ATP11C: variants seen among roughly 807,000 people sequenced by gnomAD.
ATP11C encodes the protein phospholipid-transporting ATPase IG.
In ATP11C, 36 loss-of-function variants were observed where a neutral mutation model predicts 97.4. The ratio of observed to expected loss-of-function variants is 0.37; its 90% CI spans 0.28 to 0.49. ATP11C has a LOEUF of 0.49. Ranked by LOEUF, ATP11C falls within the 20% of genes least tolerant of loss-of-function variation. ATP11C has a pLI of 0.98. For synonymous variants in ATP11C, 275 were observed against 290.9 expected (o/e 0.95, Z 0.56); for missense variants, 730 against 824.6 (o/e 0.89, Z 1.40).
At chrX:139,747,612 T>C (rs980801111) in intron 24 of ATP11C, among the ~76,000 whole-genome samples, 1 of 112,067 alleles carries the variant, frequency 8.9e-6, no homozygotes, top group Non-Finnish European at 1.9e-5. Flanking sequence ...TTTCTTACAT[T>C]TCTCTTAAAA....
chrX:139,907,713 A>G (rs185115906), intron 1 of ATP11C, among the ~76,000 whole-genome samples: 1 of 108,727 alleles, frequency 9.2e-6, no homozygotes, highest in East Asian at 2.9e-4. Context: ...GCGCCACTGC[A>G]CTCCGGCCTG....
chrX:139,907,519 G>C (rs765024226), intron 1 of ATP11C, among the ~76,000 whole-genome samples: 1 of 110,784 alleles, frequency 9.0e-6, no homozygotes, highest in Non-Finnish European at 1.9e-5. Flanking sequence ...GAGGCTGAGC[G>C]GGGCACATCA....
At chrX:139,735,040 C>A (rs1169081985) in intron 28 of ATP11C, among the ~76,000 whole-genome samples, 1 of 111,206 alleles carries the variant, frequency 9.0e-6, no homozygotes, top group Non-Finnish European at 1.9e-5. Context: ...CTGTTTAATA[C>A]CTGCTTACAG....
At chrX:139,744,109 G>A (rs2081628613) in intron 25 of ATP11C, among the ~76,000 whole-genome samples, 1 of 109,965 alleles carries the variant, frequency 9.1e-6, no homozygotes, top group African/African-American at 3.3e-5. Flanking sequence ...ATCAGCATGT[G>A]CACATCAAAA....
In ATP11C at chrX:139,774,629, T is replaced by A. The variant is rs2082314819; in HGVS notation, c.2216+61A>T. On this transcript the variant is annotated intron_variant, in intron 19 of 29. Transcript: ENST00000682941. Reference sequence around the variant, plus strand: ...TACAGAAAATGAAGCCTTTTGTATATGCAGCTGTGATTTACATCTACACCA... The same window carrying A: ...TACAGAAAATGAAGCCTTTTGTATAAGCAGCTGTGATTTACATCTACACCA... 8.8e-6 allele frequency: 9 copies of A among 1,020,076 alleles called. No individual in the cohort carries two copies. The East Asian group carries it at 2.4e-4, about 28-fold the overall frequency. 84.1% of individuals were successfully genotyped at this position (1,020,076 alleles called of 1,213,427 possible).
chrX:139,751,121 G>C (rs2081805597), intron 23 of ATP11C, among the ~76,000 whole-genome samples: 1 of 112,193 alleles, frequency 8.9e-6, no homozygotes, highest in Non-Finnish European at 1.9e-5. Flanking sequence ...AATTACAAAA[G>C]GCTGGGAATT....
intron 5 of ATP11C, among the ~76,000 whole-genome samples, chrX:139,809,893 T>C (rs1303813908): frequency 9.1e-6 from 1 of 109,559 alleles, no homozygotes; most frequent in Non-Finnish European, 1.9e-5. Context: ...TTGAACCCAG[T>C]AGACAGACGT....
chrX:139,840,319 C>G (rs1014142830), intron 1 of ATP11C, among the ~76,000 whole-genome samples: 6 of 112,205 alleles, frequency 5.3e-5, no homozygotes, highest in Admixed American at 9.4e-5. Context: ...TAGTCTACTA[C>G]GACACTTTAG....
intron 12 of ATP11C, among the ~76,000 whole-genome samples, chrX:139,791,633 G>A (rs12688450): frequency 0.05 from 5,595 of 111,309 alleles, 239 homozygotes; most frequent in East Asian, 0.29. Context: ...TAAGTTCTCA[G>A]GTAGTGTTGA....
chrX:139,788,288 T>A lies in ATP11C; in HGVS notation c.1424A>T (p.Lys475Ile). Residue 475 changes from lysine to isoleucine, a missense_variant, in exon 14 of 30, where the codon AAA (lysine) becomes ATA (isoleucine). Transcript: ENST00000682941. Reference sequence around the variant, plus strand: ...AGCTCCATCAACAGCATCGTTTGTTTTGATTTCTACAGTATGACATAAACA... The same window carrying A: ...AGCTCCATCAACAGCATCGTTTGTTATGATTTCTACAGTATGACATAAACA... ...ALCLCHTVEI[K>I]TNDAVDGATE... The A allele has an allele frequency of 8.3e-7, 1 of 1,209,005 alleles. No individual in the cohort carries two copies. Among genetic ancestry groups the A allele is most frequent in the Non-Finnish European group, 1.1e-6 (1 of 893,035 alleles).
intron 1 of ATP11C, among the ~76,000 whole-genome samples, chrX:139,903,154 G>A (rs1403723101): frequency 8.9e-6 from 1 of 111,911 alleles, no homozygotes; most frequent in Non-Finnish European, 1.9e-5. Flanking sequence ...ATTGTGCATA[G>A]TATATACTTT....
chrX:139,911,251 T>A (rs1316309035), intron 1 of ATP11C, among the ~76,000 whole-genome samples: 1 of 111,499 alleles, frequency 9.0e-6, no homozygotes, highest in African/African-American at 3.3e-5. Context: ...CTTTAGTGTT[T>A]TGAATATGAA....
At chrX:139,870,350 T>C (rs954676263) in intron 1 of ATP11C, among the ~76,000 whole-genome samples, 18 of 112,572 alleles carry the variant, frequency 1.6e-4, no homozygotes, top group Non-Finnish European at 1.3e-4. Flanking sequence ...TAGTTATCTA[T>C]GTTCAAGTAT....
At chrX:139,790,464 T>TCACACACACACACA (rs56853640) in intron 12 of ATP11C, among the ~76,000 whole-genome samples, 1 of 99,216 alleles carries the variant, frequency 1.0e-5, no homozygotes, top group South Asian at 4.6e-4. Flanking sequence ...TCTCTCTCAC[T>TCACACACACACACA]CACACACACA....
intron 1 of ATP11C, among the ~76,000 whole-genome samples, chrX:139,858,957 G>A (rs936838428): frequency 2.7e-5 from 3 of 112,247 alleles, no homozygotes; most frequent in Admixed American, 9.4e-5. Context: ...AAACTCAACC[G>A]AGTATACATG....
intron 1 of ATP11C, among the ~76,000 whole-genome samples, chrX:139,910,938 A>G (rs1273178523): frequency 8.9e-6 from 1 of 111,941 alleles, no homozygotes. Context: ...ACCAGAACAT[A>G]TGTTAAGGAA....
At chrX:139,782,177 A>AT (rs1262568223) in intron 18 of ATP11C, among the ~76,000 whole-genome samples, 1 of 109,181 alleles carries the variant, frequency 9.2e-6, no homozygotes, top group Non-Finnish European at 1.9e-5. Flanking sequence ...ATACAAAAAA[A>AT]TTAGCCGGGC....
chrX:139,862,361 C>T (rs1008675624), intron 1 of ATP11C, among the ~76,000 whole-genome samples: 1 of 111,665 alleles, frequency 9.0e-6, no homozygotes, highest in Non-Finnish European at 1.9e-5. Flanking sequence ...TGAAGCTCCT[C>T]GGTCAGAAGT....
intron 15 of ATP11C, among the ~76,000 whole-genome samples, chrX:139,786,796 T>A (rs889230886): frequency 1.8e-5 from 2 of 112,422 alleles, no homozygotes; most frequent in Non-Finnish European, 3.8e-5. Flanking sequence ...GCTGCCTTTA[T>A]TGCCTGGGCT....
Sources: gnomAD v4.1 joint callset for allele counts (sites outside exome capture counted in the v4.1 genomes callset) on GRCh38, gnomAD v4.1.1 for gene constraint, MANE v1.5 for transcripts, NCBI Gene and HGNC (gene_info 2026-07-23, HGNC 2026-07-21) for gene names.